The following DNAH8 variants were observed in gnomAD, a reference collection of about 807,000 sequenced individuals.
DNAH8 encodes axonemal beta dynein heavy chain 8.
In DNAH8, 382 loss-of-function variants were observed where a neutral mutation model predicts 562.1. That is an observed-to-expected ratio of 0.68 (90% CI 0.63 to 0.74). DNAH8 has a LOEUF of 0.74. DNAH8 is among the 30% of genes least tolerant of loss of function. The pLI, the probability that DNAH8 is intolerant of heterozygous loss-of-function variation, is 0.00. For missense variants in DNAH8, 5,203 were observed against 5,620.4 expected, an observed-to-expected ratio of 0.93 and a Z score of 2.37; for synonymous variants, 1,881 against 1,919.4, an observed-to-expected ratio of 0.98 and a Z score of 0.52.
At chr6:38,900,253 C>T (rs893961457) in intron 62 of DNAH8, among the ~76,000 whole-genome samples, 2 of 152,146 alleles carry the variant, frequency 1.3e-5, no homozygotes, top group Non-Finnish European at 2.9e-5. Context: ...CTCTTTGCAT[C>T]CTATTTCTAT....
chr6:38,759,917 C>G (rs1054249720), intron 10 of DNAH8, among the ~76,000 whole-genome samples: 1 of 152,154 alleles, frequency 6.6e-6, no homozygotes, highest in South Asian at 2.1e-4. Context: ...CCCAATCTCT[C>G]TTTCCTGCTA....
At chr6:38,925,997 A>T (rs1009837664) in intron 73 of DNAH8, 58 bp from the exon 74 acceptor site, 1 of 1,414,504 alleles carries the variant, frequency 7.1e-7, no homozygotes, top group Non-Finnish European at 9.5e-7. Context: ...ACTTTTAATT[A>T]CTAATGAGGG....
In DNAH8 at chr6:38,862,381, G is replaced by A; in HGVS notation, c.6233G>A (p.Arg2078Lys). The A allele has an allele frequency of 1.2e-6, 2 of 1,614,146 alleles. No individual in the cohort carries two copies. Among genetic ancestry groups the A allele is most frequent in the Admixed American group, 1.7e-5 (1 of 60,018 alleles). The change falls in exon 44 of 93, where the codon AGG (arginine) becomes AAG (lysine). Residue 2078 changes from arginine (R) to lysine (K), a missense_variant. This residue lies in a region of DNAH8 where 2,176 missense variants were observed against 2,365.1 expected (regional missense o/e 0.92). Transcript: ENST00000327475. ...ACAGAAACCACAAAAGACATGGGAA[G>A]GTGTTTGGGAAAATATGTGGTCGTG... ...GKTETTKDMG[R>K]CLGKYVVVFN... is the part of the protein sequence containing the mutation.
rs769442737 is a variant in DNAH8, at chr6:38,845,589, G to T, written c.4861G>T (p.Ala1621Ser). 1.2e-6 allele frequency: 2 copies of T among 1,613,294 alleles called. No homozygotes were observed. The highest frequency in any genetic ancestry group is 2.7e-5 in the African/African-American group (2 of 74,894). Residue 1621 changes from alanine to serine, a missense_variant, in exon 36 of 93, where the codon GCC becomes TCC. By Grantham distance (99) the Ala-to-Ser change is moderately conservative. Around this residue, in one of 6 missense-constraint regions of DNAH8, gnomAD observed 2,176 missense variants for 2,365.1 expected, o/e 0.92. Transcript: ENST00000327475. ...KDDIEDICISAIKEKDIEAKL... is the reference protein window; with the variant it reads ...KDDIEDICISSIKEKDIEAKL... The stretch of plus-strand genomic sequence containing the variant: ...TCCTTCAAAGGATATTTGCATATCT[G>T]CCATTAAGGAGAAGGATATCGAAGC...
At chr6:38,730,067 A>G (rs1763544687) in intron 4 of DNAH8, 81 bp downstream of exon 4, 1 of 653,614 alleles carries the variant, frequency 1.5e-6, no homozygotes, top group Non-Finnish European at 2.7e-6. Flanking sequence ...TTATACATAG[A>G]TAATCCTTTA....
intron 38 of DNAH8, 72 bp downstream of exon 38, chr6:38,850,486 G>T: frequency 1.4e-6 from 2 of 1,385,844 alleles, no homozygotes; most frequent in South Asian, 2.7e-5. Flanking sequence ...TACTAGTATT[G>T]ACTACATTTC....
Position 38,789,841 on chromosome 6 carries a change from G to A in DNAH8, c.2622G>A (p.Val874=). Residue 874 remains valine, a synonymous_variant, in exon 19 of 93, where the codon GTG becomes GTA. Coordinates refer to ENST00000327475, the MANE Select transcript of DNAH8 (RefSeq NM_001206927.2). ...LQYYDELCQE[V]PSVFVNLMTP... is the part of the protein sequence containing the mutation. ...ATTATGATGAGTTATGTCAGGAAGT[G>A]CCTTCTGTGTTTGTCAATCTGATGA... 6.2e-7 allele frequency: 1 copy of A among 1,613,338 alleles called. No homozygotes were observed. Among genetic ancestry groups the A allele is most frequent in the East Asian group, 2.2e-5 (1 of 44,816 alleles).
rs549548060 is a variant in DNAH8 at position 38,951,295 on chromosome 6, G to A, written c.12249-23G>A. On this transcript the variant is annotated intron_variant, in intron 81 of 92. Coordinates refer to ENST00000327475, the MANE Select transcript of DNAH8 (RefSeq NM_001206927.2). ...AAATTGAACACGTTTAGTTTATTTC[G>A]CCTAACTTGTATTCATTTTTAGGTC... The A allele has an allele frequency of 5.7e-5, 92 of 1,603,930 alleles. No homozygotes were observed. The South Asian group carries it at 7.7e-4, about 13-fold the overall frequency.
At chr6:38,785,560 C>G (rs1769071774) in intron 17 of DNAH8, among the ~76,000 whole-genome samples, 1 of 152,012 alleles carries the variant, frequency 6.6e-6, no homozygotes, top group Admixed American at 6.6e-5. Flanking sequence ...GATTTCTGCA[C>G]CTGTCCACCT....
intron 33 of DNAH8, 47 bp downstream of exon 33, chr6:38,838,089 T>C: frequency 2.5e-6 from 3 of 1,198,110 alleles, no homozygotes; most frequent in Non-Finnish European, 3.7e-6. Context: ...AATTAAATAC[T>C]ATCTATTAGA....
rs745392896 is a variant in DNAH8, at chr6:38,886,838, C to T, written c.8307C>T (p.Tyr2769=). 6.2e-7 allele frequency: 1 copy of T among 1,614,046 alleles called. No homozygotes were observed. Among genetic ancestry groups the T allele is most frequent in the African/African-American group, 1.3e-5 (1 of 75,040 alleles). Residue 2769 remains tyrosine, a synonymous_variant, in exon 57 of 93, where the codon TAC becomes TAT. Coordinates refer to ENST00000327475, the MANE Select transcript of DNAH8 (RefSeq NM_001206927.2). ...AGATGATGGAAATGGAAGGAATGTA[C>T]AGCTTGGACAAGCCTGGAGACTTCA... ...VRQMMEMEGM[Y]SLDKPGDFTT...
In DNAH8 at chr6:39,012,385, C is replaced by T. The variant is rs761109032; in HGVS notation, c.13524+18C>T. 1.2e-6 allele frequency: 2 copies of T among 1,608,814 alleles called. No homozygotes were observed. The highest frequency in any genetic ancestry group is 1.7e-6 in the Non-Finnish European group (2 of 1,176,126). On this transcript the variant is annotated intron_variant, in intron 90 of 92. Coordinates refer to ENST00000327475, the MANE Select transcript of DNAH8 (RefSeq NM_001206927.2). ...TGAGTGAGGTGAGCTGTTATTACAT[C>T]AGTAGGCATTTCCTTCTTTGTTGAT...
In DNAH8 at chr6:38,915,350, A is replaced by C; in HGVS notation, c.10113A>C (p.Ala3371=). The C allele has an allele frequency of 6.2e-7, 1 of 1,601,144 alleles. No individual in the cohort carries two copies. Among genetic ancestry groups the C allele is most frequent in the Non-Finnish European group, 8.5e-7 (1 of 1,175,658 alleles). The stretch of plus-strand genomic sequence containing the variant: ...GCAAGCTTGAGGCAGCTAAACCTGC[A>C]CTGGAAGAAGCAGAAGCAGCCCTGA... ...AESKLEAAKP[A]LEEAEAALNT... Residue 3371 remains alanine, a synonymous_variant, in exon 68 of 93, where the codon GCA becomes GCC. Coordinates refer to ENST00000327475, the MANE Select transcript of DNAH8 (RefSeq NM_001206927.2).
intron 76 of DNAH8, among the ~76,000 whole-genome samples, chr6:38,934,349 T>C (rs1050982882): frequency 2.0e-5 from 3 of 151,484 alleles, no homozygotes; most frequent in East Asian, 3.9e-4. Context: ...GGAGACTCCA[T>C]CTCAAAAAAA....
At chr6:38,947,888 C>T (rs1398745055) in intron 80 of DNAH8, among the ~76,000 whole-genome samples, 1 of 152,104 alleles carries the variant, frequency 6.6e-6, no homozygotes, top group Non-Finnish European at 1.5e-5. Context: ...GCTAGGATTA[C>T]AGATACACGC....
rs1775561782 is a variant in DNAH8 at position 38,849,417 on chromosome 6, TTTAAATA to T, written c.5199+617_5199+623del. Reference sequence around the variant, plus strand: ...CTTTAAAACAGCTCTATTGGGGCCTTTTAAATAAATGCCAATAACTGTAATAACTGAT... The same window carrying T: ...CTTTAAAACAGCTCTATTGGGGCCTTAATGCCAATAACTGTAATAACTGAT... On this transcript the variant is annotated intron_variant, in intron 37 of 92. Coordinates refer to ENST00000327475, the MANE Select transcript of DNAH8 (RefSeq NM_001206927.2). Among the ~76,000 whole-genome samples, 8 of 152,268 alleles carry T rather than the reference TTTAAATA, an allele frequency of 5.3e-5. 1 individual carries two copies. In the South Asian group the frequency reaches 1.7e-3, roughly 32 times the overall value.
rs1345986134 is a variant in DNAH8 at position 38,929,522 on chromosome 6, G to C, written c.11130G>C (p.Leu3710=). The change falls in exon 75 of 93, where the codon CTG becomes CTC. Residue 3710 remains leucine (L), a synonymous_variant. Transcript: ENST00000327475. ...TTCTTTCTGTTTAGGTGACATCTCTGAACCATAAATATTTTCGCACACACT... is the reference window on the plus strand; with the variant it reads ...TTCTTTCTGTTTAGGTGACATCTCTCAACCATAAATATTTTCGCACACACT... ...EKENDLQVTS[L]NHKYFRTHLE... 4 of 1,611,324 alleles carry C rather than the reference G, an allele frequency of 2.5e-6. No homozygotes were observed. The highest frequency in any genetic ancestry group is 3.4e-6 in the Non-Finnish European group (4 of 1,178,732).
At chr6:38,848,887 G>A in intron 37 of DNAH8, 86 bp downstream of exon 37, 1 of 1,326,436 alleles carries the variant, frequency 7.5e-7, no homozygotes, top group Non-Finnish European at 1.1e-6. Context: ...AAAGACATAT[G>A]GTCAAGGCTT....
At chr6:39,010,817 A>ATG (rs1561973038) in intron 89 of DNAH8, among the ~76,000 whole-genome samples, 10 of 128,854 alleles carry the variant, frequency 7.8e-5, no homozygotes, top group African/African-American at 2.5e-4. Context: ...ACACACACAC[A>ATG]CACGTATGTA....
Sources: allele counts gnomAD v4.1 joint callset (sites outside exome capture counted in the v4.1 genomes callset), GRCh38; gene constraint gnomAD v4.1.1; regional missense constraint gnomAD v4.1.1; transcripts MANE v1.5; gene names NCBI Gene and HGNC (gene_info 2026-07-23, HGNC 2026-07-21).